Variants in DUXA observed in about 807,000 individuals in gnomAD.
DUXA encodes double homeobox protein A.
In DUXA, 25 loss-of-function variants were observed where a neutral mutation model predicts 27.5. That is an observed-to-expected ratio of 0.91 (90% CI 0.66 to 1.27). DUXA has a LOEUF of 1.27. Among genes scored for constraint, DUXA ranks in the 50% most tolerant of loss-of-function variants. The pLI is 0.00. For synonymous variants in DUXA, 90 were observed against 80.5 expected (o/e 1.12, Z -0.63); for missense variants, 247 against 242.9 (o/e 1.02, Z -0.11).
chr19:57,154,479 G>A lies in DUXA; in HGVS notation c.548C>T (p.Ala183Val), dbSNP rs771760899. 2.0e-5 allele frequency: 33 copies of A among 1,612,444 alleles called. 1 individual carries two copies. The South Asian group carries it at 3.5e-4, about 17-fold the overall frequency. The change falls in exon 6 of 6, where the codon GCA (alanine) becomes GTA (valine). Residue 183 changes from alanine (A) to valine (V), a missense_variant. By Grantham distance (64) the Ala-to-Val change is moderately conservative. Coordinates refer to ENST00000554048, the MANE Select transcript of DUXA (RefSeq NM_001012729.2). ...QGKIPEGLQG[A>V]EDTQNGTNFT... is the part of the protein sequence containing the mutation. ...GTTGGTGCCATTTTGTGTATCTTCT[G>A]CACCTAAGGAGGAAAAAAGATAGAG...
chr19:57,155,516 T>G, intron 4 of DUXA, 144 bp from the exon 5 acceptor site: 1 of 644,510 alleles, frequency 1.6e-6, no homozygotes, highest in Non-Finnish European at 2.6e-6. Flanking sequence ...CATCATCACC[T>G]TAGGCTAACT....
chr19:57,159,443 T>C (rs1229984458), intron 2 of DUXA, among the ~76,000 whole-genome samples, 165 bp from the exon 3 acceptor site: 1 of 152,128 alleles, frequency 6.6e-6, no homozygotes, highest in East Asian at 1.9e-4. Flanking sequence ...AGATAGAGTC[T>C]CACTTTGTGG....
intron 2 of DUXA, among the ~76,000 whole-genome samples, chr19:57,159,839 A>T (rs1451181123): frequency 6.6e-6 from 1 of 151,848 alleles, no homozygotes; most frequent in Non-Finnish European, 1.5e-5. Context: ...GCAGTGGCTC[A>T]TGCCTGTAAT....
At position 57,154,713 on chromosome 19, in the gene DUXA, G is replaced by A. The variant is rs181440965; in HGVS notation, c.545-231C>T. The stretch of plus-strand genomic sequence containing the variant: ...CGAGTAGCTGGGACTACAGGCGCCC[G>A]CCACCACGCTCGGCTAATTGTTTGT... On this transcript the variant is annotated intron_variant, in intron 5 of 5. Coordinates refer to ENST00000554048, the MANE Select transcript of DUXA (RefSeq NM_001012729.2). Among the ~76,000 whole-genome samples the A allele has an allele frequency of 9.4e-3, 1,422 of 152,076 alleles. 16 individuals carry two copies. The highest frequency in any genetic ancestry group is 0.033 in the African/African-American group (1,355 of 41,506).
chr19:57,164,276 C>G (rs2122699072), intron 1 of DUXA, among the ~76,000 whole-genome samples: 1 of 152,222 alleles, frequency 6.6e-6, no homozygotes, highest in African/African-American at 2.4e-5. Context: ...TATGCACCCA[C>G]AAAAATTCAA....
chr19:57,157,682 A>G (rs1291859014), intron 4 of DUXA, among the ~76,000 whole-genome samples: 1 of 152,030 alleles, frequency 6.6e-6, no homozygotes, highest in Non-Finnish European at 1.5e-5. Flanking sequence ...TGAAGGATAC[A>G]GTAGACATAA....
chr19:57,159,378 C>A, intron 2 of DUXA, 100 bp from the exon 3 acceptor site: 1 of 1,050,642 alleles, frequency 9.5e-7, no homozygotes, highest in Non-Finnish European at 1.4e-6. Context: ...GGCCTAGGCC[C>A]AGGATTATTA....
In DUXA at chr19:57,161,352, G is replaced by A. The variant is rs1007450209; in HGVS notation, c.26-555C>T. ...AAAAAAAAAAAAAAAAACTGGGCGC[G>A]GTGGCTCACACCTGTAATCCCAGCA... On this transcript the variant is annotated intron_variant, in intron 1 of 5. Coordinates refer to ENST00000554048, the MANE Select transcript of DUXA (RefSeq NM_001012729.2). 8.0e-4 allele frequency among the ~76,000 whole-genome samples: 91 copies of A among 114,132 alleles called. 1 individual carries two copies. Among genetic ancestry groups the A allele is most frequent in the Non-Finnish European group, 1.3e-3 (76 of 57,056 alleles). 74.9% of individuals were successfully genotyped at this position (114,132 alleles called of 152,430 possible). A position where few individuals can be genotyped will look rare whatever the true frequency, so the allele number is the denominator to read the frequency against.
chr19:57,161,727 T>C (rs1011122087), intron 1 of DUXA, among the ~76,000 whole-genome samples: 4 of 152,140 alleles, frequency 2.6e-5, no homozygotes, highest in African/African-American at 7.2e-5. Flanking sequence ...GTTCTGTTCA[T>C]ATGGATTAGA....
At chr19:57,165,347 A>ATATATATG (rs2087048256) in intron 1 of DUXA, among the ~76,000 whole-genome samples, 1 of 142,636 alleles carries the variant, frequency 7.0e-6, no homozygotes, top group Non-Finnish European at 1.5e-5. Flanking sequence ...ATATATATGT[A>ATATATATG]TATATATATA....
intron 1 of DUXA, among the ~76,000 whole-genome samples, chr19:57,164,114 G>A (rs906194584): frequency 1.3e-5 from 2 of 152,058 alleles, no homozygotes; most frequent in Non-Finnish European, 2.9e-5. Flanking sequence ...CATCGAAAAA[G>A]GACAATATCC....
At chr19:57,165,322 A>ATATATATATATATATGTATATATAT (rs1484903570) in intron 1 of DUXA, among the ~76,000 whole-genome samples, 14 of 89,098 alleles carry the variant, frequency 1.6e-4, no homozygotes, top group Admixed American at 3.8e-4. Flanking sequence ...AAAAAAAAAA[A>ATATATATATATATATGTATATATAT]AAATATATAT....
At chr19:57,156,813 C>A (rs1332172343) in intron 4 of DUXA, among the ~76,000 whole-genome samples, 1 of 152,164 alleles carries the variant, frequency 6.6e-6, no homozygotes, top group Non-Finnish European at 1.5e-5. Context: ...TATAAGCATG[C>A]ACCACCATGC....
At chr19:57,163,071 G>A (rs1217843867) in intron 1 of DUXA, among the ~76,000 whole-genome samples, 1 of 151,854 alleles carries the variant, frequency 6.6e-6, no homozygotes, top group African/African-American at 2.4e-5. Context: ...ATGTTGCAAT[G>A]TGTACTCCTG....
At chr19:57,165,094 G>A (rs2087044547) in intron 1 of DUXA, among the ~76,000 whole-genome samples, 1 of 151,712 alleles carries the variant, frequency 6.6e-6, no homozygotes, top group African/African-American at 2.4e-5. Flanking sequence ...GAGCTCCACA[G>A]GCCATACTTT....
At chr19:57,166,119 T>C (rs959983972) in intron 1 of DUXA, among the ~76,000 whole-genome samples, 1 of 151,822 alleles carries the variant, frequency 6.6e-6, no homozygotes, top group African/African-American at 2.4e-5. Flanking sequence ...GGAGAGGCCC[T>C]GGGCTGGGAC....
intron 2 of DUXA, 142 bp downstream of exon 2, chr19:57,160,501 A>G (rs1368160672): frequency 3.0e-6 from 3 of 1,001,120 alleles, no homozygotes; most frequent in Non-Finnish European, 4.4e-6. Context: ...GCTAAGACCA[A>G]CACCTTCGTG....
chr19:57,158,529 A>G (rs2087004081), intron 3 of DUXA, 56 bp from the exon 4 acceptor site: 1 of 1,586,210 alleles, frequency 6.3e-7, no homozygotes, highest in Non-Finnish European at 8.6e-7. Context: ...GCAAGGGTCC[A>G]TTCACATATT....
chr19:57,158,185 G>T (rs2087001673), intron 4 of DUXA, 143 bp downstream of exon 4: 1 of 922,784 alleles, frequency 1.1e-6, no homozygotes, highest in Non-Finnish European at 1.7e-6. Flanking sequence ...GCACCTGGGG[G>T]TAGAAGCCAG....
Sources: gnomAD v4.1 joint callset for allele counts (sites outside exome capture counted in the v4.1 genomes callset) on GRCh38, gnomAD v4.1.1 for gene constraint, MANE v1.5 for transcripts, NCBI Gene and HGNC (gene_info 2026-07-23, HGNC 2026-07-21) for gene names.